The following GRIA4 variants were observed in gnomAD, a reference collection of about 807,000 sequenced individuals.
GRIA4 encodes glutamate receptor 4.
GRIA4 carries 34 observed loss-of-function variants against 104.0 expected under a neutral mutation model. That is an observed-to-expected ratio of 0.33 (90% CI 0.25 to 0.44). GRIA4 has a LOEUF of 0.44. GRIA4 is among the 20% of genes least tolerant of loss of function. GRIA4 has a pLI of 1.00. For synonymous variants in GRIA4, 386 were observed against 381.9 expected (o/e 1.01, Z -0.13); for missense variants, 750 against 1,096.5 (o/e 0.68, Z 4.46).
chr11:105,969,338 T>C (rs768485545), intron 14 of GRIA4, among the ~76,000 whole-genome samples: 10 of 152,218 alleles, frequency 6.6e-5, no homozygotes, highest in Non-Finnish European at 1.3e-4. Context: ...AATCTAGCCC[T>C]TGGAGAATGA....
chr11:105,849,340 C>T (rs1370389096), intron 4 of GRIA4, among the ~76,000 whole-genome samples: 1 of 152,184 alleles, frequency 6.6e-6, no homozygotes, highest in Non-Finnish European at 1.5e-5. Context: ...CAATACAGAG[C>T]AAGGTCAGGC....
At chr11:105,797,997 A>C (rs1255496494) in intron 4 of GRIA4, 8 of 351,384 alleles carry the variant, frequency 2.3e-5, no homozygotes, top group Non-Finnish European at 4.6e-5. Context: ...TTGAGCACCT[A>C]CTATGTGCCA....
chr11:105,849,052 C>T (rs1035663666), intron 4 of GRIA4, among the ~76,000 whole-genome samples: 4 of 152,044 alleles, frequency 2.6e-5, no homozygotes, highest in African/African-American at 4.8e-5. Flanking sequence ...ATTAGCTGGG[C>T]ATTGTGGCAG....
chr11:105,877,934 T>C (rs2136071452), intron 5 of GRIA4, among the ~76,000 whole-genome samples: 1 of 152,316 alleles, frequency 6.6e-6, no homozygotes, highest in African/African-American at 2.4e-5. Context: ...TCATTCTCTG[T>C]CCAGTTTTGT....
At position 105,761,475 on chromosome 11, in the gene GRIA4, T is replaced by A. The variant is rs548426725; in HGVS notation, c.487+8255T>A. Among the ~76,000 whole-genome samples, 6 of 152,284 alleles carry A rather than the reference T, an allele frequency of 3.9e-5. No individual in the cohort carries two copies. The South Asian group carries it at 1.2e-3, about 32-fold the overall frequency. ...TTTAAAGGGAAATATTATCCTGTAT[T>A]ATTCTTGAGTTTAAACACTTTGAGA... On this transcript the variant is annotated intron_variant, in intron 4 of 16. Transcript: ENST00000282499.
At chr11:105,798,841 A>G (rs1942600438) in intron 4 of GRIA4, among the ~76,000 whole-genome samples, 1 of 152,152 alleles carries the variant, frequency 6.6e-6, no homozygotes, top group Non-Finnish European at 1.5e-5. Context: ...TATTGGTGGG[A>G]AGTCAGGTAG....
At chr11:105,834,352 A>G (rs2135940950) in intron 4 of GRIA4, among the ~76,000 whole-genome samples, 1 of 152,216 alleles carries the variant, frequency 6.6e-6, no homozygotes, top group East Asian at 1.9e-4. Context: ...TTAAGGACAT[A>G]TAGGACTTGG....
chr11:105,830,985 C>A (rs1037721382), intron 4 of GRIA4, among the ~76,000 whole-genome samples: 1 of 151,974 alleles, frequency 6.6e-6, no homozygotes, highest in African/African-American at 2.4e-5. Context: ...CACACACACA[C>A]ACACATTTTT....
intron 3 of GRIA4, among the ~76,000 whole-genome samples, chr11:105,690,119 C>A (rs926707875): frequency 7.2e-5 from 11 of 151,950 alleles, no homozygotes; most frequent in African/African-American, 2.2e-4. Flanking sequence ...TTTTCTTCAA[C>A]GTCATAGACA....
In GRIA4 at chr11:105,612,445, C is replaced by G. The variant is rs1346492491; in HGVS notation, c.247+11C>G. The G allele has an allele frequency of 6.2e-7, 1 of 1,610,546 alleles. No individual in the cohort carries two copies. Among genetic ancestry groups the G allele is most frequent in the Non-Finnish European group, 8.5e-7 (1 of 1,177,752 alleles). ...CTGTAACAAACGCCTGTAAGTAAAA[C>G]ATAAGCTATGAAAAATTAGAAGAGA... On this transcript the variant is annotated intron_variant, in intron 3 of 16. Coordinates refer to ENST00000282499, the MANE Select transcript of GRIA4 (RefSeq NM_000829.4).
chr11:105,757,998 C>G (rs1940409932), intron 4 of GRIA4, among the ~76,000 whole-genome samples: 1 of 152,086 alleles, frequency 6.6e-6, no homozygotes, highest in South Asian at 2.1e-4. Context: ...AATTCTGACA[C>G]TTTAGGAGGA....
chr11:105,655,989 C>T (rs1951832024), intron 3 of GRIA4, among the ~76,000 whole-genome samples: 1 of 152,158 alleles, frequency 6.6e-6, no homozygotes, highest in Non-Finnish European at 1.5e-5. Flanking sequence ...TCCTCTCCAG[C>T]ATCTGTTGTT....
chr11:105,705,051 C>T (rs189111342), intron 3 of GRIA4, among the ~76,000 whole-genome samples: 85 of 152,102 alleles, frequency 5.6e-4, no homozygotes, highest in African/African-American at 1.8e-3. Context: ...GTGGTAACGG[C>T]ACAATAATAG....
At chr11:105,930,972 A>G (rs1433900308) in intron 13 of GRIA4, among the ~76,000 whole-genome samples, 2 of 152,178 alleles carry the variant, frequency 1.3e-5, no homozygotes, top group African/African-American at 4.8e-5. Context: ...GAAGTTTACC[A>G]GTACTTCTGT....
At chr11:105,624,724 A>C (rs941939840) in intron 3 of GRIA4, among the ~76,000 whole-genome samples, 3 of 152,012 alleles carry the variant, frequency 2.0e-5, no homozygotes, top group South Asian at 4.1e-4. Context: ...TTTCCTCCCC[A>C]AAAACATGCA....
At chr11:105,839,945 G>C (rs1944335288) in intron 4 of GRIA4, among the ~76,000 whole-genome samples, 1 of 151,336 alleles carries the variant, frequency 6.6e-6, no homozygotes, top group Non-Finnish European at 1.5e-5. Context: ...TTATTTATAG[G>C]TAAAGGAAAA....
At chr11:105,772,159 T>C (rs1941237351) in intron 4 of GRIA4, among the ~76,000 whole-genome samples, 1 of 152,160 alleles carries the variant, frequency 6.6e-6, no homozygotes, top group African/African-American at 2.4e-5. Context: ...AGCACAACTC[T>C]CCACTAAATT....
chr11:105,761,466 A>G (rs1940645923), intron 4 of GRIA4, among the ~76,000 whole-genome samples: 1 of 152,160 alleles, frequency 6.6e-6, no homozygotes, highest in Non-Finnish European at 1.5e-5. Context: ...GGGAAATATT[A>G]TCCTGTATTA....
intron 3 of GRIA4, among the ~76,000 whole-genome samples, chr11:105,687,224 CAT>C (rs1265596629): frequency 1.1e-4 from 17 of 152,280 alleles, no homozygotes; most frequent in East Asian, 1.9e-4. Context: ...AGAATTAACA[CAT>C]GAGTTGCTCT....
Sources: allele counts gnomAD v4.1 joint callset (sites outside exome capture counted in the v4.1 genomes callset), GRCh38; gene constraint gnomAD v4.1.1; transcripts MANE v1.5; gene names NCBI Gene and HGNC (gene_info 2026-07-23, HGNC 2026-07-21).